Variants in HECTD4 observed in about 807,000 individuals in gnomAD.
HECTD4 encodes the protein probable E3 ubiquitin-protein ligase HECTD4.
A neutral mutation model predicts 471.5 loss-of-function variants in HECTD4; 114 were observed. The ratio of observed to expected loss-of-function variants is 0.24; its 90% confidence interval spans 0.21 to 0.28. The LOEUF (loss-of-function observed/expected upper bound fraction) is 0.28, where lower values mean the gene tolerates loss of function less well. HECTD4 is among the 10% of genes least tolerant of loss of function. The pLI is 1.00. For missense variants in HECTD4, 3,866 were observed against 5,651.5 expected (o/e 0.68, Z 10.13); for synonymous variants, 2,012 against 2,256.0 (o/e 0.89, Z 3.07).
At chr12:112,359,182 CAA>C (rs879580703) in intron 1 of HECTD4, among the ~76,000 whole-genome samples, 2 of 125,370 alleles carry the variant, frequency 1.6e-5, no homozygotes, top group South Asian at 2.6e-4. Context: ...GACTCCGTCT[CAA>C]AAAAAAAAAA....
chr12:112,238,144 G>A lies in HECTD4; in HGVS notation c.5290+908C>T, dbSNP rs1463357681. On this transcript the variant is annotated intron_variant, in intron 34 of 75. Coordinates refer to ENST00000682272, the MANE Select transcript of HECTD4 (RefSeq NM_001388303.1). ...GACTCTCAAGACATTAAAATGCATC[G>A]TGAACAAATAAACAGATAAATAAAC... Among the ~76,000 whole-genome samples the A allele has an allele frequency of 7.2e-5, 11 of 152,144 alleles. No homozygotes were observed. In the South Asian group the frequency reaches 1.9e-3, roughly 26 times the overall value.
At chr12:112,300,892 CT>C (rs1040489318) in intron 7 of HECTD4, among the ~76,000 whole-genome samples, 7 of 148,222 alleles carry the variant, frequency 4.7e-5, no homozygotes, top group Non-Finnish European at 6.0e-5. Flanking sequence ...TTTTCTTTTT[CT>C]TTTTTTTTTG....
At chr12:112,286,436 G>A in intron 7 of HECTD4, among the ~76,000 whole-genome samples, 1 of 152,220 alleles carries the variant, frequency 6.6e-6, no homozygotes, top group South Asian at 2.1e-4. Flanking sequence ...CACTTTGGGA[G>A]GCCAAGAAGG....
Position 112,173,527 on chromosome 12 carries a change from C to T in HECTD4, c.11595-666G>A, listed in dbSNP as rs1043513400. Among the ~76,000 whole-genome samples the T allele has an allele frequency of 2.1e-4, 32 of 151,814 alleles. No homozygotes were observed. The highest frequency in any genetic ancestry group is 7.5e-4 in the African/African-American group (31 of 41,318). On this transcript the variant is annotated intron_variant, in intron 66 of 75. Transcript: ENST00000682272. The surrounding 1 kb of genome is among the most constrained non-coding windows in gnomAD (Gnocchi z 4.3). ...GCCTCAGCCTCCTGACTAGCTAGGA[C>T]TACAGGCGCCTGCCACCACACCTGG...
At chr12:112,290,588 C>T (rs1419624487) in intron 7 of HECTD4, among the ~76,000 whole-genome samples, 6 of 151,946 alleles carry the variant, frequency 3.9e-5, no homozygotes, top group African/African-American at 1.5e-4. Context: ...TGGCTCACGC[C>T]TGTAATCACA....
intron 59 of HECTD4, among the ~76,000 whole-genome samples, chr12:112,192,307 T>A (rs760849921): frequency 2.0e-4 from 30 of 152,210 alleles, no homozygotes; most frequent in Non-Finnish European, 3.7e-4. Context: ...CAGCACATAC[T>A]TGTGAAAAGA....
chr12:112,216,214 A>T, intron 48 of HECTD4, 78 bp downstream of exon 48: 1 of 927,470 alleles, frequency 1.1e-6, no homozygotes, highest in Admixed American at 2.3e-5. Flanking sequence ...TGCTAAATTT[A>T]TTCAACTTTA....
At position 112,376,944 on chromosome 12, in the gene HECTD4, T is replaced by C. The variant is rs531403279; in HGVS notation, c.177+5008A>G. On this transcript the variant is annotated intron_variant, in intron 1 of 75. Coordinates refer to ENST00000682272, the MANE Select transcript of HECTD4 (RefSeq NM_001388303.1). The stretch of plus-strand genomic sequence containing the variant: ...CCTGACCAACATGGTGAAACTCATC[T>C]CTACTAAAAATACAAAAATTAGCCA... Among the ~76,000 whole-genome samples, 6 of 151,862 alleles carry C rather than the reference T, an allele frequency of 4.0e-5. No individual in the cohort carries two copies. The East Asian group carries it at 1.2e-3, about 30-fold the overall frequency.
chr12:112,306,175 A>G lies in HECTD4; in HGVS notation c.1224T>C (p.Thr408=), dbSNP rs2035267096. ...AAGTGCCATCTGAAGACAGGTGCACAGTGCTCATGGTGCTGCCAATGGGGA... is the reference window on the plus strand; with the variant it reads ...AAGTGCCATCTGAAGACAGGTGCACGGTGCTCATGGTGCTGCCAATGGGGA... ...NHLPIGSTMS[T]VHLSSDGTYF... is the part of the protein sequence containing the mutation. The change falls in exon 7 of 76, where the codon ACT becomes ACC. Residue 408 remains threonine (T), a synonymous_variant. Transcript: ENST00000682272. 1.2e-6 allele frequency: 2 copies of G among 1,611,696 alleles called. No homozygotes were observed. The highest frequency in any genetic ancestry group is 1.7e-6 in the Non-Finnish European group (2 of 1,179,222).
chr12:112,327,849 A>G (rs1337352248), intron 1 of HECTD4, among the ~76,000 whole-genome samples: 1 of 152,234 alleles, frequency 6.6e-6, no homozygotes, highest in African/African-American at 2.4e-5. Context: ...TTAGGACGGA[A>G]GACAGGATGG....
At chr12:112,237,505 A>G (rs1349522606) in intron 34 of HECTD4, among the ~76,000 whole-genome samples, 1 of 152,152 alleles carries the variant, frequency 6.6e-6, no homozygotes, top group Non-Finnish European at 1.5e-5. Flanking sequence ...GTTATGAAAA[A>G]GTATTTGTTG....
intron 13 of HECTD4, chr12:112,267,524 A>G (rs1420926097): frequency 6.5e-6 from 1 of 153,866 alleles, no homozygotes; most frequent in African/African-American, 2.4e-5. Context: ...CACTGTCACG[A>G]TCCAGTCCAA....
chr12:112,209,292 A>G (rs1318616120), intron 50 of HECTD4, among the ~76,000 whole-genome samples: 1 of 151,444 alleles, frequency 6.6e-6, no homozygotes, highest in Non-Finnish European at 1.5e-5. Context: ...GTTTTATTTA[A>G]TTTTATGAAA....
intron 7 of HECTD4, among the ~76,000 whole-genome samples, chr12:112,283,880 G>C (rs1368455737): frequency 1.3e-5 from 2 of 151,744 alleles, no homozygotes; most frequent in African/African-American, 4.8e-5. Context: ...AAAAATCTTT[G>C]GAGTGGTGAC....
chr12:112,200,704 G>A lies in HECTD4; in HGVS notation c.8501C>T (p.Ala2834Val). The change falls in exon 55 of 76, where the codon GCA becomes GTA. Residue 2834 changes from alanine (A) to valine (V), a missense_variant. By Grantham distance (64) the Ala-to-Val change is moderately conservative. Around this residue, in one of 16 missense-constraint regions of HECTD4, gnomAD observed 266 missense variants for 441.6 expected, o/e 0.60. Transcript: ENST00000682272. ...YPIDMLERPP[A>V]GYRRTATNGL... The stretch of plus-strand genomic sequence containing the variant: ...ATTGGTGGCAGTCCTTCGGTAGCCT[G>A]CTGGGGGCCTTTCCAACATGTCAAT... 1 of 1,613,990 alleles carries A rather than the reference G, an allele frequency of 6.2e-7. No homozygotes were observed. Among genetic ancestry groups the A allele is most frequent in the Non-Finnish European group, 8.5e-7 (1 of 1,179,868 alleles).
chr12:112,273,390 C>G (rs376277819), intron 11 of HECTD4, among the ~76,000 whole-genome samples: 4 of 152,106 alleles, frequency 2.6e-5, no homozygotes, highest in Non-Finnish European at 5.9e-5. Context: ...AAAGTTCCAA[C>G]AATTTCAGGA....
chr12:112,317,713 T>A (rs1788910305), intron 2 of HECTD4, among the ~76,000 whole-genome samples: 1 of 152,076 alleles, frequency 6.6e-6, no homozygotes, highest in Admixed American at 6.6e-5. Flanking sequence ...GCAGGGTGGC[T>A]CATGCCTGTA....
intron 50 of HECTD4, among the ~76,000 whole-genome samples, chr12:112,209,390 G>A (rs929961801): frequency 1.3e-5 from 2 of 149,830 alleles, no homozygotes; most frequent in African/African-American, 2.5e-5. Context: ...GCAATGGCAC[G>A]ATCTCAACTC....
At position 112,163,537 on chromosome 12, in the gene HECTD4, T is replaced by C; in HGVS notation, c.12897+5A>G. ...CCCCGCCCAGCCTGGCCCTGGGATG[T>C]CTACCTTGAGGAACTCGAGGTTGAT... On this transcript the variant is annotated splice_donor_5th_base_variant and intron_variant, in intron 74 of 75. Transcript: ENST00000682272. This position sits in a 1 kb window ranked among gnomAD's most constrained non-coding sequence, Gnocchi z 8.2. The C allele has an allele frequency of 6.9e-7, 1 of 1,458,674 alleles. No homozygotes were observed. Among genetic ancestry groups the C allele is most frequent in the Middle Eastern group, 2.5e-4 (1 of 3,940 alleles). 90.4% of individuals were successfully genotyped at this position (1,458,674 alleles called of 1,614,324 possible).
Sources: allele counts gnomAD v4.1 joint callset (sites outside exome capture counted in the v4.1 genomes callset), GRCh38; gene constraint gnomAD v4.1.1; regional missense constraint gnomAD v4.1.1; non-coding constraint Gnocchi (gnomAD v3.1); transcripts MANE v1.5; gene names NCBI Gene and HGNC (gene_info 2026-07-23, HGNC 2026-07-21).